RPS6KA5: variants seen among roughly 807,000 people sequenced by gnomAD.
RPS6KA5 encodes ribosomal protein S6 kinase A5.
Under a neutral mutation model 85.5 loss-of-function variants are expected in RPS6KA5, and 27 were observed. The observed-to-expected ratio is 0.32, with a 90% CI of 0.23 to 0.44. The LOEUF (loss-of-function observed/expected upper bound fraction) is 0.44. Among genes scored for constraint, RPS6KA5 ranks in the 20% least tolerant of loss-of-function variants. The pLI, the probability that RPS6KA5 is intolerant of heterozygous loss-of-function variation, is 1.00. For missense variants in RPS6KA5, 811 were observed against 980.9 expected (o/e 0.83, Z 2.31); for synonymous variants, 334 against 348.2 (o/e 0.96, Z 0.46).
At chr14:90,898,958 A>G (rs2035002666) in intron 12 of RPS6KA5, among the ~76,000 whole-genome samples, 1 of 152,156 alleles carries the variant, frequency 6.6e-6, no homozygotes, top group Non-Finnish European at 1.5e-5. Context: ...GGGAAGTTGG[A>G]GGCTCAAAAT....
At chr14:90,984,597 C>T (rs1245991881) in intron 2 of RPS6KA5, among the ~76,000 whole-genome samples, 6 of 152,116 alleles carry the variant, frequency 3.9e-5, no homozygotes, top group East Asian at 3.8e-4. Context: ...AGTGGCTTGA[C>T]GATAAGAAAT....
At chr14:90,965,246 G>A (rs773680338) in intron 3 of RPS6KA5, among the ~76,000 whole-genome samples, 2 of 152,124 alleles carry the variant, frequency 1.3e-5, no homozygotes, top group Middle Eastern at 3.2e-3. Context: ...TCAGCTGGGC[G>A]TGGTGATGGG....
At chr14:90,921,149 T>C (rs1463239803) in intron 6 of RPS6KA5, among the ~76,000 whole-genome samples, 5 of 152,160 alleles carry the variant, frequency 3.3e-5, no homozygotes, top group African/African-American at 1.2e-4. Flanking sequence ...TGTTAAAATT[T>C]CAAACTATTT....
In RPS6KA5 at chr14:90,854,304, G is replaced by T. The variant is rs576544338; in HGVS notation, c.*17770C>A. ...TACCAGATTTAGAACAAAACTTACT[G>T]TAGCCATTATAATCTGCTAACGTTT... On this transcript the variant is annotated 3_prime_UTR_variant, in exon 17 of 17. Coordinates refer to ENST00000614987, the MANE Select transcript of RPS6KA5 (RefSeq NM_004755.4). The T allele has an allele frequency of 1.3e-5, 2 of 152,006 alleles. No individual in the cohort carries two copies. Among genetic ancestry groups the T allele is most frequent in the Non-Finnish European group, 2.9e-5 (2 of 67,988 alleles). The allele number at this position is 152,006 out of a possible 1,614,324, so 9.4% of individuals were successfully genotyped here.
At chr14:91,053,644 A>C (rs1368700547) in intron 1 of RPS6KA5, among the ~76,000 whole-genome samples, 1 of 152,244 alleles carries the variant, frequency 6.6e-6, no homozygotes, top group African/African-American at 2.4e-5. Flanking sequence ...AATTTAACAA[A>C]AGTGCAAATT....
At chr14:90,982,413 G>A (rs1223115715) in intron 2 of RPS6KA5, among the ~76,000 whole-genome samples, 1 of 152,124 alleles carries the variant, frequency 6.6e-6, no homozygotes, top group Non-Finnish European at 1.5e-5. Context: ...AGTGAGCCAT[G>A]ATTGCACCAC....
chr14:91,038,410 C>T (rs1047135973), intron 1 of RPS6KA5, among the ~76,000 whole-genome samples: 6 of 152,038 alleles, frequency 3.9e-5, no homozygotes, highest in African/African-American at 1.4e-4. Context: ...AAGAGTAATA[C>T]AAAATAGAAA....
intron 1 of RPS6KA5, among the ~76,000 whole-genome samples, chr14:91,033,663 G>A (rs997406873): frequency 2.6e-5 from 4 of 152,128 alleles, no homozygotes; most frequent in Admixed American, 2.6e-4. Flanking sequence ...TACTTACACA[G>A]TACTGTTAAG....
At chr14:91,011,289 C>T (rs1437812653) in intron 1 of RPS6KA5, among the ~76,000 whole-genome samples, 1 of 151,944 alleles carries the variant, frequency 6.6e-6, no homozygotes, top group African/African-American at 2.4e-5. Context: ...AGATCGAGAC[C>T]ATCCTGGCCA....
rs2140103277 is a variant in RPS6KA5 at position 90,856,217 on chromosome 14, T to C, written c.*15857A>G. On this transcript the variant is annotated 3_prime_UTR_variant, in exon 17 of 17. Coordinates refer to ENST00000614987, the MANE Select transcript of RPS6KA5 (RefSeq NM_004755.4). ...ACTTTGTCCCCAAGAGCTTAATCTC[T>C]AGTTAGAAAAGATTTTCCAACCATA... 1 of 152,320 alleles carries C rather than the reference T, an allele frequency of 6.6e-6. No individual in the cohort carries two copies. Among genetic ancestry groups the C allele is most frequent in the East Asian group, 1.9e-4 (1 of 5,188 alleles). 9.4% of individuals were successfully genotyped at this position (152,320 alleles called of 1,614,324 possible). A position where few individuals can be genotyped will look rare whatever the true frequency, so the allele number is the denominator to read the frequency against.
intron 1 of RPS6KA5, among the ~76,000 whole-genome samples, chr14:91,015,978 C>T (rs1475535657): frequency 1.3e-5 from 2 of 152,100 alleles, no homozygotes; most frequent in Non-Finnish European, 2.9e-5. Context: ...CCCTCCAACC[C>T]CAATTCTGAA....
rs774590628 is a variant in RPS6KA5, at chr14:90,890,467, C to A, written c.1836+20G>T. On this transcript the variant is annotated intron_variant, in intron 14 of 16. Coordinates refer to ENST00000614987, the MANE Select transcript of RPS6KA5 (RefSeq NM_004755.4). ...CCAAAGAAATAAGCAGGTTTAATGACTGTATTGAAAAGAACTCACCAAAAT... is the reference window on the plus strand; with the variant it reads ...CCAAAGAAATAAGCAGGTTTAATGAATGTATTGAAAAGAACTCACCAAAAT... 11 of 1,576,926 alleles carry A rather than the reference C, an allele frequency of 7.0e-6. No individual in the cohort carries two copies. In the East Asian group the frequency reaches 2.3e-4, roughly 32 times the overall value.
At chr14:90,895,763 G>A (rs891175054) in intron 12 of RPS6KA5, among the ~76,000 whole-genome samples, 2 of 152,012 alleles carry the variant, frequency 1.3e-5, no homozygotes, top group South Asian at 2.1e-4. Context: ...GGTGGCGCAC[G>A]CCTACAGTCC....
chr14:91,021,370 A>G (rs1406813189), intron 1 of RPS6KA5, among the ~76,000 whole-genome samples: 3 of 152,086 alleles, frequency 2.0e-5, no homozygotes, highest in Non-Finnish European at 4.4e-5. Context: ...GTCAGGCACA[A>G]TGACTCACAC....
chr14:90,996,693 G>T (rs1281111405), intron 2 of RPS6KA5, among the ~76,000 whole-genome samples: 4 of 151,870 alleles, frequency 2.6e-5, no homozygotes, highest in African/African-American at 9.7e-5. Context: ...TTTTGCTTTT[G>T]ATAAAAAACA....
In RPS6KA5 at chr14:90,886,480, G is replaced by C. The variant is rs561677102; in HGVS notation, c.1836+4007C>G. On this transcript the variant is annotated intron_variant, in intron 14 of 16. Coordinates refer to ENST00000614987, the MANE Select transcript of RPS6KA5 (RefSeq NM_004755.4). Reference sequence around the variant, plus strand: ...ACTGTATTTGGAGACAGGGCCTTTAGGGAGGTAACTAAGGTTAAATGAGGT... The same window carrying C: ...ACTGTATTTGGAGACAGGGCCTTTACGGAGGTAACTAAGGTTAAATGAGGT... Among the ~76,000 whole-genome samples the C allele has an allele frequency of 3.2e-3, 482 of 152,248 alleles. 1 individual carries two copies. Among genetic ancestry groups the C allele is most frequent in the Non-Finnish European group, 5.4e-3 (366 of 68,014 alleles).
At chr14:91,022,013 CAT>C (rs927944724) in intron 1 of RPS6KA5, among the ~76,000 whole-genome samples, 2 of 152,138 alleles carry the variant, frequency 1.3e-5, no homozygotes, top group Admixed American at 1.3e-4. Flanking sequence ...ATATTTAGAT[CAT>C]ATATTTATGC....
intron 14 of RPS6KA5, among the ~76,000 whole-genome samples, chr14:90,875,902 T>G (rs1265370679): frequency 4.2e-5 from 2 of 47,216 alleles, no homozygotes; most frequent in African/African-American, 8.4e-5. Flanking sequence ...GGGACTGTTG[T>G]GGGGTGGGGG....
intron 14 of RPS6KA5, among the ~76,000 whole-genome samples, chr14:90,879,578 CAG>C (rs2033693755): frequency 6.6e-6 from 1 of 152,152 alleles, no homozygotes; most frequent in Admixed American, 6.5e-5. Flanking sequence ...TGGCTCTGCT[CAG>C]AGGTCTGTTC....
Sources: allele counts gnomAD v4.1 joint callset (sites outside exome capture counted in the v4.1 genomes callset), GRCh38; gene constraint gnomAD v4.1.1; transcripts MANE v1.5; gene names NCBI Gene and HGNC (gene_info 2026-07-23, HGNC 2026-07-21).